The following BTBD9 variants were observed in gnomAD, a reference collection of about 807,000 sequenced individuals.
The protein encoded by BTBD9 is BTB domain containing 9.
Under a neutral mutation model 64.3 loss-of-function variants are expected in BTBD9, and 49 were observed. The ratio of observed to expected loss-of-function variants is 0.76; its 90% CI spans 0.61 to 0.97. BTBD9 has a LOEUF of 0.97. Ranked by LOEUF, BTBD9 falls within the 50% of genes least tolerant of loss-of-function variation. The pLI, the probability that BTBD9 is intolerant of heterozygous loss-of-function variation, is 0.00. For synonymous variants in BTBD9, 260 were observed against 274.7 expected (o/e 0.95, Z 0.53); for missense variants, 598 against 762.1 (o/e 0.78, Z 2.53).
intron 6 of BTBD9, among the ~76,000 whole-genome samples, chr6:38,429,001 G>A (rs146430891): frequency 2.0e-5 from 3 of 151,658 alleles, no homozygotes; most frequent in African/African-American, 7.3e-5. Context: ...GAGCCACTGC[G>A]CCCGGCCCCA....
chr6:38,294,652 G>A (rs1380288265), intron 7 of BTBD9, among the ~76,000 whole-genome samples: 1 of 152,206 alleles, frequency 6.6e-6, no homozygotes, highest in South Asian at 2.1e-4. Context: ...GGGCCTGTCA[G>A]GGGGTGGGGA....
intron 6 of BTBD9, among the ~76,000 whole-genome samples, chr6:38,514,868 C>G (rs1772939748): frequency 6.6e-6 from 1 of 152,168 alleles, no homozygotes; most frequent in Non-Finnish European, 1.5e-5. Context: ...AACCATCTAA[C>G]AAAGAAAGAA....
At chr6:38,517,132 G>T (rs1176742783) in intron 6 of BTBD9, among the ~76,000 whole-genome samples, 1 of 152,142 alleles carries the variant, frequency 6.6e-6, no homozygotes, top group African/African-American at 2.4e-5. Context: ...GACTACAAAG[G>T]AGTCAATGTT....
chr6:38,457,033 C>A (rs918613572), intron 6 of BTBD9, among the ~76,000 whole-genome samples: 2 of 152,092 alleles, frequency 1.3e-5, no homozygotes, highest in Middle Eastern at 3.4e-3. Flanking sequence ...GAAGAATATC[C>A]AGCGAGAGAG....
At chr6:38,398,705 A>G (rs1766799358) in intron 6 of BTBD9, among the ~76,000 whole-genome samples, 3 of 152,240 alleles carry the variant, frequency 2.0e-5, no homozygotes, top group Admixed American at 2.0e-4. Context: ...GAAGAAAATT[A>G]GCTAATGGCT....
At chr6:38,537,409 T>C (rs1057492330) in intron 6 of BTBD9, among the ~76,000 whole-genome samples, 11 of 152,234 alleles carry the variant, frequency 7.2e-5, no homozygotes, top group African/African-American at 2.7e-4. Context: ...GGCCTTCTGA[T>C]GGACGTATTT....
intron 6 of BTBD9, among the ~76,000 whole-genome samples, chr6:38,554,810 A>C (rs1365910023): frequency 6.6e-6 from 1 of 152,254 alleles, no homozygotes; most frequent in Non-Finnish European, 1.5e-5. Flanking sequence ...GCTGTAGTGA[A>C]AGCAGCCAGC....
chr6:38,421,974 TA>T (rs766983624), intron 6 of BTBD9, among the ~76,000 whole-genome samples: 18 of 152,214 alleles, frequency 1.2e-4, no homozygotes, highest in Non-Finnish European at 2.5e-4. Context: ...GAATGAAGCA[TA>T]AGGGATTTAG....
At chr6:38,514,381 TAA>T (rs1461886980) in intron 6 of BTBD9, among the ~76,000 whole-genome samples, 1 of 152,242 alleles carries the variant, frequency 6.6e-6, no homozygotes, top group Non-Finnish European at 1.5e-5. Flanking sequence ...TCATTTCTAA[TAA>T]AGAGCTGTAA....
At chr6:38,194,633 G>A (rs915140672) in intron 9 of BTBD9, among the ~76,000 whole-genome samples, 23 of 152,124 alleles carry the variant, frequency 1.5e-4, no homozygotes, top group African/African-American at 9.7e-5. Context: ...CCAGAATCAC[G>A]GCCCTGTGGT....
chr6:38,232,215 G>A (rs146222243), intron 9 of BTBD9, among the ~76,000 whole-genome samples: 202 of 152,082 alleles, frequency 1.3e-3, no homozygotes, highest in Middle Eastern at 6.9e-3. Flanking sequence ...GGCATGGACA[G>A]TCCTTCTTGT....
chr6:38,327,645 C>T (rs898363842), intron 7 of BTBD9, among the ~76,000 whole-genome samples: 5 of 152,174 alleles, frequency 3.3e-5, no homozygotes, highest in Non-Finnish European at 5.9e-5. Context: ...TGTAGACACT[C>T]GTGAAACCAT....
intron 6 of BTBD9, among the ~76,000 whole-genome samples, chr6:38,510,387 T>C (rs1258276665): frequency 1.3e-5 from 2 of 152,202 alleles, no homozygotes; most frequent in Non-Finnish European, 2.9e-5. Context: ...ACAGAGCTTG[T>C]AGGAATGGAA....
intron 10 of BTBD9, among the ~76,000 whole-genome samples, chr6:38,189,863 G>A (rs572237661): frequency 1.3e-5 from 2 of 152,026 alleles, no homozygotes; most frequent in South Asian, 2.1e-4. Flanking sequence ...TAGCACAGAC[G>A]GGGTTTTACC....
At chr6:38,449,788 T>C (rs1221981117) in intron 6 of BTBD9, among the ~76,000 whole-genome samples, 1 of 151,882 alleles carries the variant, frequency 6.6e-6, no homozygotes, top group Non-Finnish European at 1.5e-5. Context: ...TCAAAATGGA[T>C]TGAAGCCTTA....
chr6:38,256,414 G>A lies in BTBD9; in HGVS notation c.1557C>T (p.Ser519=). The A allele has an allele frequency of 1.2e-6, 2 of 1,610,014 alleles. No homozygotes were observed. Among genetic ancestry groups the A allele is most frequent in the Non-Finnish European group, 1.7e-6 (2 of 1,176,422 alleles). ...CCTGAAAAGACACAACTTACTTGCA[G>A]GAGACTTTAGTTCTGTCAGCAACCA... ...WTMVADRTKV[S]CKSWQSVTFE... The change falls in exon 9 of 11, where the codon TCC becomes TCT. Residue 519 remains serine, a synonymous_variant. Transcript: ENST00000481247.
chr6:38,493,589 T>G (rs1259718136), intron 6 of BTBD9, among the ~76,000 whole-genome samples: 1 of 152,244 alleles, frequency 6.6e-6, no homozygotes, highest in African/African-American at 2.4e-5. Context: ...AATAAAGTGA[T>G]GTTAGGAGAT....
intron 6 of BTBD9, among the ~76,000 whole-genome samples, chr6:38,348,006 CACA>C (rs1764354450): frequency 6.6e-6 from 1 of 151,984 alleles, no homozygotes; most frequent in Admixed American, 6.6e-5. Context: ...CAAAACAAAC[CACA>C]ACAACAAAAA....
chr6:38,279,536 T>C (rs1157239515), intron 8 of BTBD9, among the ~76,000 whole-genome samples: 2 of 152,146 alleles, frequency 1.3e-5, no homozygotes, highest in Non-Finnish European at 2.9e-5. Context: ...ATTTGATGTA[T>C]TAAATGTGTA....
Sources: gnomAD v4.1 joint callset for allele counts (sites outside exome capture counted in the v4.1 genomes callset) on GRCh38, gnomAD v4.1.1 for gene constraint, MANE v1.5 for transcripts, NCBI Gene and HGNC (gene_info 2026-07-23, HGNC 2026-07-21) for gene names.